The following ANO5 variants were observed in gnomAD, a reference collection of about 807,000 sequenced individuals.
ANO5 encodes the protein anoctamin-5.
In ANO5, 109 loss-of-function variants were observed where a neutral mutation model predicts 121.0. The ratio of observed to expected loss-of-function variants is 0.90; its 90% CI spans 0.77 to 1.06. The LOEUF is 1.06. Ranked by LOEUF, ANO5 falls within the 50% of genes least tolerant of loss-of-function variation. The probability of loss-of-function intolerance (pLI) is 0.00; values close to 1 mark genes in which losing one functional copy is unlikely to be tolerated. For synonymous variants in ANO5, 406 were observed against 359.9 expected, an observed-to-expected ratio of 1.13 and a Z score of -1.45; for missense variants, 1,064 against 1,078.5, an observed-to-expected ratio of 0.99 and a Z score of 0.19.
intron 13 of ANO5, 62 bp from the exon 14 acceptor site, chr11:22,257,618 G>T: frequency 2.2e-6 from 3 of 1,350,682 alleles, no homozygotes; most frequent in Non-Finnish European, 3.2e-6. Context: ...ATTGACTAGT[G>T]CTTGGAGTCT....
At position 22,259,746 on chromosome 11, in the gene ANO5, G is replaced by A; in HGVS notation, c.1630+5G>A. 6.2e-7 allele frequency: 1 copy of A among 1,600,938 alleles called. No homozygotes were observed. The highest frequency in any genetic ancestry group is 8.6e-7 in the Non-Finnish European group (1 of 1,168,516). ...CTGCCTGGATCACAAAAATGGGTAA[G>A]CTGGCCAAATCATTTGTGTGATTCT... On this transcript the variant is annotated splice_donor_5th_base_variant and intron_variant, in intron 15 of 21. Coordinates refer to ENST00000324559, the MANE Select transcript of ANO5 (RefSeq NM_213599.3).
At chr11:22,266,559 T>G (rs1445145070) in intron 17 of ANO5, among the ~76,000 whole-genome samples, 1 of 152,204 alleles carries the variant, frequency 6.6e-6, no homozygotes, top group Non-Finnish European at 1.5e-5. Flanking sequence ...TTTGTTTCCT[T>G]TTCAATTAAA....
chr11:22,249,435 A>G (rs546848868), intron 9 of ANO5, among the ~76,000 whole-genome samples: 1 of 152,232 alleles, frequency 6.6e-6, no homozygotes, highest in African/African-American at 2.4e-5. Context: ...AAAGACTCAC[A>G]GATTTGGTGA....
intron 17 of ANO5, among the ~76,000 whole-genome samples, chr11:22,267,692 T>A (rs1272866050): frequency 6.6e-6 from 1 of 152,038 alleles, no homozygotes; most frequent in African/African-American, 2.4e-5. Flanking sequence ...GGGGGTTTGT[T>A]GTATAGATTA....
intron 17 of ANO5, among the ~76,000 whole-genome samples, chr11:22,265,104 G>A (rs1854317292): frequency 6.6e-6 from 1 of 152,008 alleles, no homozygotes; most frequent in Non-Finnish European, 1.5e-5. Context: ...TTTCAGAAAT[G>A]GAAACAAATT....
intron 6 of ANO5, 26 bp downstream of exon 6, chr11:22,226,078 A>C (rs1590243747): frequency 6.4e-7 from 1 of 1,556,578 alleles, no homozygotes; most frequent in East Asian, 2.3e-5. Flanking sequence ...AATTTATACA[A>C]GCCTCTTTAA....
At chr11:22,233,982 G>A (rs1853132418) in intron 7 of ANO5, among the ~76,000 whole-genome samples, 3 of 148,640 alleles carry the variant, frequency 2.0e-5, no homozygotes, top group Admixed American at 2.0e-4. Context: ...GGATAACACT[G>A]GCAAAGCCGT....
chr11:22,211,376 C>A, intron 3 of ANO5, 62 bp downstream of exon 3: 1 of 1,505,366 alleles, frequency 6.6e-7, no homozygotes, highest in Non-Finnish European at 9.2e-7. Context: ...TTTTTGTAGT[C>A]TGCAATGATG....
chr11:22,195,290 T>C (rs567725179), intron 1 of ANO5, among the ~76,000 whole-genome samples: 5 of 152,356 alleles, frequency 3.3e-5, no homozygotes, highest in South Asian at 2.1e-4. Context: ...TTTTTCATTA[T>C]TGAGTTGCAA....
At chr11:22,206,904 G>T (rs1446849796) in intron 2 of ANO5, among the ~76,000 whole-genome samples, 8 of 151,768 alleles carry the variant, frequency 5.3e-5, no homozygotes, top group Non-Finnish European at 7.4e-5. Context: ...GACAGTTCTT[G>T]CAATAAGACA....
chr11:22,272,076 C>G (rs1471565891), intron 18 of ANO5, among the ~76,000 whole-genome samples: 1 of 151,660 alleles, frequency 6.6e-6, no homozygotes, highest in South Asian at 2.1e-4. Flanking sequence ...TTTCTTCAAT[C>G]ATGTGGGAAA....
intron 17 of ANO5, among the ~76,000 whole-genome samples, chr11:22,265,493 G>T (rs1176171783): frequency 1.3e-5 from 2 of 152,016 alleles, no homozygotes; most frequent in Non-Finnish European, 2.9e-5. Context: ...GAAAGTACAG[G>T]ATGCAAGAAA....
chr11:22,193,405 C>T lies in ANO5; in HGVS notation c.-88C>T. ...AACTCCGGCGGCCCACAGTCAGATTCAGCACCTGCCTCAGATCTCCACGTC... is the reference window on the plus strand; with the variant it reads ...AACTCCGGCGGCCCACAGTCAGATTTAGCACCTGCCTCAGATCTCCACGTC... On this transcript the variant is annotated 5_prime_UTR_variant, in exon 1 of 22. Transcript: ENST00000324559. 1 of 1,553,188 alleles carries T rather than the reference C, an allele frequency of 6.4e-7. No individual in the cohort carries two copies. Among genetic ancestry groups the T allele is most frequent in the Non-Finnish European group, 8.7e-7 (1 of 1,150,364 alleles).
chr11:22,250,275 T>G lies in ANO5; in HGVS notation c.917T>G (p.Phe306Cys), dbSNP rs1236826718. 6.2e-7 allele frequency: 1 copy of G among 1,606,802 alleles called. No individual in the cohort carries two copies. The highest frequency in any genetic ancestry group is 1.3e-5 in the African/African-American group (1 of 74,792). Reference sequence around the variant, plus strand: ...GAAAAAATTGGTATCTATTTTGTCTTTCTTGGATTTTACACAGAAATGCTA... The same window carrying G: ...GAAAAAATTGGTATCTATTTTGTCTGTCTTGGATTTTACACAGAAATGCTA... ...YGEKIGIYFVFLGFYTEMLFF... is the reference protein window; with the variant it reads ...YGEKIGIYFVCLGFYTEMLFF... Residue 306 changes from phenylalanine (F) to cysteine (C), a missense_variant, in exon 10 of 22, where the codon TTT becomes TGT. Physicochemically the swap from Phe to Cys is radical, Grantham distance 205 (BLOSUM62 -2). Transcript: ENST00000324559.
chr11:22,201,363 T>C (rs1851958512), intron 1 of ANO5, among the ~76,000 whole-genome samples: 1 of 152,192 alleles, frequency 6.6e-6, no homozygotes. Flanking sequence ...TGCACAAATA[T>C]TCGTGTAAAA....
intron 4 of ANO5, among the ~76,000 whole-genome samples, chr11:22,220,170 T>C (rs1420296048): frequency 6.6e-6 from 1 of 151,938 alleles, no homozygotes; most frequent in Non-Finnish European, 1.5e-5. Flanking sequence ...GAAACACTAG[T>C]TGTGAAAATT....
chr11:22,274,796 T>G (rs567235392), intron 20 of ANO5, 49 bp downstream of exon 20: 8 of 1,587,486 alleles, frequency 5.0e-6, no homozygotes, highest in African/African-American at 1.3e-5. Flanking sequence ...CCCTTAAGCG[T>G]ATTTCTTAAG....
At chr11:22,192,858 G>A (rs957217341), upstream of ANO5, 2 of 522,864 alleles carry the variant, frequency 3.8e-6, no homozygotes, top group Non-Finnish European at 4.9e-6. Flanking sequence ...GAGGAGGGAC[G>A]GGAGGCTGCA....
At chr11:22,211,170 T>G in intron 2 of ANO5, 94 bp from the exon 3 acceptor site, 4 of 1,313,288 alleles carry the variant, frequency 3.0e-6, no homozygotes, top group South Asian at 1.2e-5. Context: ...TGTTTCTGCA[T>G]AGAGATTACA....
Sources: gnomAD v4.1 joint callset for allele counts (sites outside exome capture counted in the v4.1 genomes callset) on GRCh38, gnomAD v4.1.1 for gene constraint, MANE v1.5 for transcripts, NCBI Gene and HGNC (gene_info 2026-07-23, HGNC 2026-07-21) for gene names.